Variants in INPP4B observed in about 807,000 individuals in gnomAD.
INPP4B encodes the protein inositol polyphosphate-4-phosphatase type II B.
In INPP4B, 55 loss-of-function variants were observed where a neutral mutation model predicts 122.5. The ratio of observed to expected loss-of-function variants is 0.45; its 90% CI spans 0.36 to 0.56. The LOEUF (loss-of-function observed/expected upper bound fraction) is 0.56, where lower values mean the gene tolerates loss of function less well. Among genes scored for constraint, INPP4B ranks in the 20% least tolerant of loss-of-function variants. INPP4B has a pLI of 0.00. For synonymous variants in INPP4B, 403 were observed against 388.7 expected, an observed-to-expected ratio of 1.04 and a Z score of -0.43; for missense variants, 1,000 against 1,097.7, an observed-to-expected ratio of 0.91 and a Z score of 1.26.
At chr4:142,544,453 T>G (rs1419567618) in intron 2 of INPP4B, among the ~76,000 whole-genome samples, 1 of 152,056 alleles carries the variant, frequency 6.6e-6, no homozygotes, top group Non-Finnish European at 1.5e-5. Context: ...AGCTGGAGGA[T>G]GCAGTGCATT....
intron 25 of INPP4B, among the ~76,000 whole-genome samples, chr4:142,041,303 A>AAAAT (rs1315745526): frequency 6.6e-6 from 1 of 152,080 alleles, no homozygotes; most frequent in Non-Finnish European, 1.5e-5. Flanking sequence ...CTCAATAGTA[A>AAAAT]AAATAAATAA....
chr4:142,029,472 C>A, intron 25 of INPP4B: 1 of 985,726 alleles, frequency 1.0e-6, no homozygotes, highest in Non-Finnish European at 1.2e-6. Context: ...ACGGACAGTA[C>A]AAAAGTCACA....
chr4:142,441,261 G>A (rs1052800968), intron 3 of INPP4B, among the ~76,000 whole-genome samples: 1 of 152,048 alleles, frequency 6.6e-6, no homozygotes, highest in Non-Finnish European at 1.5e-5. Flanking sequence ...ATAATAATGA[G>A]GGTTAAGCCA....
chr4:142,246,139 T>A (rs1278002673), intron 11 of INPP4B, among the ~76,000 whole-genome samples: 2 of 150,456 alleles, frequency 1.3e-5, no homozygotes, highest in Admixed American at 1.3e-4. Flanking sequence ...CACACACATA[T>A]ATATATACAT....
chr4:142,565,588 A>G (rs1731455220), intron 2 of INPP4B, among the ~76,000 whole-genome samples: 1 of 152,204 alleles, frequency 6.6e-6, no homozygotes, highest in Non-Finnish European at 1.5e-5. Flanking sequence ...CATTTGGCAA[A>G]CACCACAGTA....
intron 12 of INPP4B, among the ~76,000 whole-genome samples, chr4:142,209,792 C>CA (rs375306534): frequency 0.77 from 30,423 of 39,640 alleles, 12,720 homozygotes; most frequent in Non-Finnish European, 0.86. Flanking sequence ...GACCCCGTCT[C>CA]AAAAAAAAAA....
At chr4:142,247,068 T>C (rs1052606096) in intron 11 of INPP4B, among the ~76,000 whole-genome samples, 4 of 152,186 alleles carry the variant, frequency 2.6e-5, no homozygotes, top group Non-Finnish European at 4.4e-5. Context: ...GTTTTTGTCA[T>C]TGGTTCTGTT....
chr4:142,048,781 T>A (rs1752941809), intron 25 of INPP4B, among the ~76,000 whole-genome samples: 1 of 152,002 alleles, frequency 6.6e-6, no homozygotes, highest in African/African-American at 2.4e-5. Flanking sequence ...ATTTAAAATA[T>A]TAGCTTGAAA....
chr4:142,133,765 G>A (rs1296068904), intron 18 of INPP4B, among the ~76,000 whole-genome samples: 1 of 152,034 alleles, frequency 6.6e-6, no homozygotes, highest in South Asian at 2.1e-4. Context: ...ATGCTTCAAG[G>A]CTGCTGTAAT....
At chr4:142,400,207 C>T (rs1429278927) in intron 7 of INPP4B, among the ~76,000 whole-genome samples, 1 of 152,112 alleles carries the variant, frequency 6.6e-6, no homozygotes, top group East Asian at 1.9e-4. Flanking sequence ...AAGTAATAAG[C>T]TCAATAGGAA....
chr4:142,037,509 G>A (rs1358029479), intron 25 of INPP4B, among the ~76,000 whole-genome samples: 1 of 152,078 alleles, frequency 6.6e-6, no homozygotes, highest in Non-Finnish European at 1.5e-5. Context: ...AGCTATTCAA[G>A]CTTCCCAAAG....
At chr4:142,302,614 T>TTA (rs1761898716) in intron 9 of INPP4B, among the ~76,000 whole-genome samples, 1 of 152,220 alleles carries the variant, frequency 6.6e-6, no homozygotes, top group East Asian at 1.9e-4. Flanking sequence ...TCTAATATAA[T>TTA]TATCAGAGCA....
chr4:142,062,859 A>C (rs1271227652), intron 25 of INPP4B, among the ~76,000 whole-genome samples: 2 of 152,240 alleles, frequency 1.3e-5, no homozygotes, highest in African/African-American at 4.8e-5. Context: ...GAAGATACCT[A>C]GTTTGCCTTT....
intron 2 of INPP4B, among the ~76,000 whole-genome samples, chr4:142,492,515 A>G (rs1422493109): frequency 6.6e-6 from 1 of 152,188 alleles, no homozygotes; most frequent in Non-Finnish European, 1.5e-5. Context: ...CAAAATGCGA[A>G]TAGTGATATG....
intron 2 of INPP4B, among the ~76,000 whole-genome samples, chr4:142,485,936 A>G (rs886975876): frequency 5.3e-5 from 8 of 152,116 alleles, no homozygotes; most frequent in African/African-American, 1.9e-4. Context: ...CTTCTGTGCA[A>G]TTAGGTGACT....
chr4:142,307,697 C>T (rs150650680), intron 8 of INPP4B, among the ~76,000 whole-genome samples: 32 of 152,226 alleles, frequency 2.1e-4, no homozygotes, highest in African/African-American at 7.5e-4. Flanking sequence ...AAAGAGATGT[C>T]GATCTTACTT....
At chr4:142,373,661 G>C (rs1790748429) in intron 7 of INPP4B, among the ~76,000 whole-genome samples, 1 of 151,946 alleles carries the variant, frequency 6.6e-6, no homozygotes, top group African/African-American at 2.4e-5. Flanking sequence ...GTAAGGCCTA[G>C]AGAAATGTGT....
At chr4:142,788,039 G>C (rs1360829969) in intron 1 of INPP4B, among the ~76,000 whole-genome samples, 1 of 151,994 alleles carries the variant, frequency 6.6e-6, no homozygotes, top group Non-Finnish European at 1.5e-5. Context: ...TCCGGTTGCG[G>C]GAAGCCTTAA....
chr4:142,209,377 T>G (rs960971816), intron 12 of INPP4B, among the ~76,000 whole-genome samples: 4 of 152,260 alleles, frequency 2.6e-5, no homozygotes, highest in Non-Finnish European at 4.4e-5. Flanking sequence ...GCTAAGTTTT[T>G]AAGTTTCAAC....
Sources: gnomAD v4.1 joint callset for allele counts (sites outside exome capture counted in the v4.1 genomes callset) on GRCh38, gnomAD v4.1.1 for gene constraint, MANE v1.5 for transcripts, NCBI Gene and HGNC (gene_info 2026-07-23, HGNC 2026-07-21) for gene names.